The following C12orf75 variants were observed in gnomAD, a reference collection of about 807,000 sequenced individuals.
C12orf75 encodes overexpressed in colon carcinoma 1 protein.
Under a neutral mutation model 11.4 loss-of-function variants are expected in C12orf75, and 4 were observed. That is an observed-to-expected ratio of 0.35 (90% confidence interval 0.17 to 0.80). The LOEUF is 0.80. Among genes scored for constraint, C12orf75 ranks in the 30% least tolerant of loss-of-function variants. The pLI is 0.52. For missense variants in C12orf75, 89 were observed against 80.4 expected, an observed-to-expected ratio of 1.11 and a Z score of -0.41; for synonymous variants, 30 against 30.0, an observed-to-expected ratio of 1.00 and a Z score of 0.00.
At chr12:105,368,486 C>T (rs973947475) in intron 5 of C12orf75, among the ~76,000 whole-genome samples, 1 of 152,184 alleles carries the variant, frequency 6.6e-6, no homozygotes, top group African/African-American at 2.4e-5. Context: ...AATACTTAGA[C>T]TGAAGAGTTG....
intron 2 of C12orf75, among the ~76,000 whole-genome samples, chr12:105,362,168 C>T (rs944072537): frequency 2.6e-5 from 4 of 151,566 alleles, no homozygotes; most frequent in Non-Finnish European, 5.9e-5. Flanking sequence ...GGGCGGATCA[C>T]GAGGTCAGGA....
rs771376717 is a variant in C12orf75, at chr12:105,345,659, C to CT, written c.47-2923dup. On this transcript the variant is annotated intron_variant, in intron 1 of 5. Coordinates refer to ENST00000443585, the MANE Select transcript of C12orf75 (RefSeq NM_001145199.2). Reference sequence around the variant, plus strand: ...TCCTGATCTTGAATTAGTGTCTGGCCTTTTTTTTTTTTTTTTTTTTGAGAC... The same window carrying CT: ...TCCTGATCTTGAATTAGTGTCTGGCCTTTTTTTTTTTTTTTTTTTTTGAGAC... Among the ~76,000 whole-genome samples the CT allele has an allele frequency of 4.3e-3, 319 of 73,444 alleles. 15 individuals carry two copies. Among genetic ancestry groups the CT allele is most frequent in the African/African-American group, 0.012 (208 of 17,732 alleles). 48.2% of individuals were successfully genotyped at this position (73,444 alleles called of 152,430 possible).
chr12:105,365,763 C>G, intron 2 of C12orf75, 44 bp from the exon 3 acceptor site: 3 of 1,422,804 alleles, frequency 2.1e-6, no homozygotes, highest in Non-Finnish European at 2.9e-6. Context: ...AAGTCCCCGA[C>G]TATGTAACCA....
In C12orf75 at chr12:105,358,622, A is replaced by G. The variant is rs141032417; in HGVS notation, c.72-7185A>G. 4.3e-3 allele frequency among the ~76,000 whole-genome samples: 653 copies of G among 152,342 alleles called. 7 individuals are homozygous for G. Among genetic ancestry groups the G allele is most frequent in the African/African-American group, 0.015 (633 of 41,590 alleles). On this transcript the variant is annotated intron_variant, in intron 2 of 5. Coordinates refer to ENST00000443585, the MANE Select transcript of C12orf75 (RefSeq NM_001145199.2). ...AAATATTTCAGTCTTACATTTTTTC[A>G]AATGTTGCATTACTTTCCACAAATT...
At chr12:105,332,830 G>A (rs1892451292) in intron 1 of C12orf75, among the ~76,000 whole-genome samples, 1 of 150,524 alleles carries the variant, frequency 6.6e-6, no homozygotes, top group South Asian at 2.1e-4. Flanking sequence ...AATTTGGGGG[G>A]AAAATATGAT....
intron 1 of C12orf75, among the ~76,000 whole-genome samples, chr12:105,331,306 C>G (rs1486372755): frequency 2.0e-5 from 3 of 151,954 alleles, no homozygotes; most frequent in Non-Finnish European, 4.4e-5. Context: ...CTCCTCCAGG[C>G]CTCTCCCCCA....
At chr12:105,359,748 G>A (rs1892834527) in intron 2 of C12orf75, among the ~76,000 whole-genome samples, 1 of 146,272 alleles carries the variant, frequency 6.8e-6, no homozygotes, top group African/African-American at 2.5e-5. Context: ...TCCAGTTGGG[G>A]CAAAAGAGCC....
intron 1 of C12orf75, among the ~76,000 whole-genome samples, chr12:105,333,882 C>G (rs1006401159): frequency 6.6e-6 from 1 of 152,188 alleles, no homozygotes; most frequent in African/African-American, 2.4e-5. Context: ...ACCCCTAAAT[C>G]TGAAATCTCC....
chr12:105,341,244 T>G (rs1476450476), intron 1 of C12orf75, among the ~76,000 whole-genome samples: 1 of 152,170 alleles, frequency 6.6e-6, no homozygotes, highest in African/African-American at 2.4e-5. Flanking sequence ...GTTCAGAACC[T>G]TAACCACTAC....
At chr12:105,360,894 G>GC (rs1892854355) in intron 2 of C12orf75, among the ~76,000 whole-genome samples, 1 of 152,076 alleles carries the variant, frequency 6.6e-6, no homozygotes, top group African/African-American at 2.4e-5. Flanking sequence ...TCCTGCCTCA[G>GC]CCTCCCGAGT....
At chr12:105,352,262 G>C (rs1445791248) in intron 2 of C12orf75, among the ~76,000 whole-genome samples, 1 of 152,178 alleles carries the variant, frequency 6.6e-6, no homozygotes, top group Non-Finnish European at 1.5e-5. Flanking sequence ...TGTAGTTTCA[G>C]TTGAGCAGGG....
At chr12:105,348,462 C>G in intron 1 of C12orf75, 140 bp from the exon 2 acceptor site, 35 of 410,192 alleles carry the variant, frequency 8.5e-5, no homozygotes, top group Middle Eastern at 6.4e-4. Flanking sequence ...GATTTTTTTG[C>G]CCTCCTTTCT....
chr12:105,352,463 G>A (rs1008867871), intron 2 of C12orf75, among the ~76,000 whole-genome samples: 4 of 152,150 alleles, frequency 2.6e-5, no homozygotes, highest in Non-Finnish European at 5.9e-5. Context: ...GTACAGGAAA[G>A]TATTTTTTAA....
intron 2 of C12orf75, among the ~76,000 whole-genome samples, chr12:105,362,666 C>CAAA (rs71072606): frequency 1.9e-5 from 2 of 105,572 alleles, no homozygotes; most frequent in African/African-American, 6.8e-5. Context: ...GACTCCGTCT[C>CAAA]AAAAAAAAAA....
In C12orf75 at chr12:105,330,873, T is replaced by C; in HGVS notation, c.-19T>C. On this transcript the variant is annotated 5_prime_UTR_variant, in exon 1 of 6. Coordinates refer to ENST00000443585, the MANE Select transcript of C12orf75 (RefSeq NM_001145199.2). The stretch of plus-strand genomic sequence containing the variant: ...GCGGCCGAGAGCTCCGGAGCGCGGC[T>C]TCCCCGGCCGGCTGCGCGATGGGCT... 1 of 1,254,068 alleles carries C rather than the reference T, an allele frequency of 8.0e-7. No individual in the cohort carries two copies. Among genetic ancestry groups the C allele is most frequent in the Non-Finnish European group, 1.0e-6 (1 of 1,000,364 alleles). The allele number at this position is 1,254,068 out of a possible 1,614,324, so 77.7% of individuals were successfully genotyped here.
chr12:105,338,300 G>A (rs915272601), intron 1 of C12orf75, among the ~76,000 whole-genome samples: 2 of 152,014 alleles, frequency 1.3e-5, no homozygotes, highest in African/African-American at 4.8e-5. Context: ...TCGGCCTCCC[G>A]AGTAGCTGGG....
intron 1 of C12orf75, among the ~76,000 whole-genome samples, chr12:105,344,241 G>A (rs943799091): frequency 6.6e-6 from 1 of 152,196 alleles, no homozygotes; most frequent in Non-Finnish European, 1.5e-5. Context: ...TGTTGGCCCA[G>A]TATGTCCTCA....
intron 1 of C12orf75, 67 bp from the exon 2 acceptor site, chr12:105,348,535 G>T: frequency 1.8e-6 from 2 of 1,087,622 alleles, no homozygotes; most frequent in South Asian, 3.7e-5. Context: ...TTTTAATTAG[G>T]TATTAGACAA....
chr12:105,335,614 C>T (rs1023642957), intron 1 of C12orf75, among the ~76,000 whole-genome samples: 3 of 151,982 alleles, frequency 2.0e-5, no homozygotes, highest in African/African-American at 4.8e-5. Context: ...AAAGCCTATA[C>T]ATTTTGTTTA....
Sources: gnomAD v4.1 joint callset for allele counts (sites outside exome capture counted in the v4.1 genomes callset) on GRCh38, gnomAD v4.1.1 for gene constraint, MANE v1.5 for transcripts, NCBI Gene and HGNC (gene_info 2026-07-23, HGNC 2026-07-21) for gene names.